The following FAT3 variants were observed in gnomAD, a reference collection of about 807,000 sequenced individuals.
FAT3 encodes protocadherin Fat 3.
FAT3 carries 95 observed loss-of-function variants against 310.2 expected under a neutral mutation model. The observed-to-expected ratio is 0.31, with a 90% CI of 0.26 to 0.36. The LOEUF is 0.36. Ranked by LOEUF, FAT3 falls within the 10% of genes least tolerant of loss-of-function variation. The pLI is 1.00. For missense variants in FAT3, 5,408 were observed against 5,715.6 expected, an observed-to-expected ratio of 0.95 and a Z score of 1.74; for synonymous variants, 2,314 against 2,192.9, an observed-to-expected ratio of 1.06 and a Z score of -1.54.
chr11:92,414,988 C>T (rs950211101), intron 2 of FAT3, among the ~76,000 whole-genome samples: 5 of 135,476 alleles, frequency 3.7e-5, no homozygotes, highest in African/African-American at 1.4e-4. Context: ...CCAGGCTGGG[C>T]AAGAGTGCAA....
chr11:92,480,731 G>A (rs487872), intron 2 of FAT3, among the ~76,000 whole-genome samples: 83,514 of 151,952 alleles, frequency 0.55, 23,542 homozygotes, highest in East Asian at 0.7. Context: ...GTGAACATCA[G>A]TGCTTAGTTA....
chr11:92,303,303 G>A (rs1315312927), intron 1 of FAT3, among the ~76,000 whole-genome samples: 1 of 152,012 alleles, frequency 6.6e-6, no homozygotes, highest in African/African-American at 2.4e-5. Flanking sequence ...AAATTTTGTT[G>A]CATTGCTTCT....
intron 3 of FAT3, among the ~76,000 whole-genome samples, chr11:92,599,342 C>G (rs1034825412): frequency 6.6e-6 from 1 of 152,118 alleles, no homozygotes; most frequent in African/African-American, 2.4e-5. Context: ...GGTGGGGGAA[C>G]CCCTTATAAA....
chr11:92,279,814 G>A (rs1946376331), intron 1 of FAT3, among the ~76,000 whole-genome samples: 1 of 152,052 alleles, frequency 6.6e-6, no homozygotes, highest in African/African-American at 2.4e-5. Flanking sequence ...TGTACCCATT[G>A]ACCAACCTCA....
intron 2 of FAT3, among the ~76,000 whole-genome samples, chr11:92,405,174 G>C (rs1434287983): frequency 1.3e-5 from 2 of 151,954 alleles, no homozygotes; most frequent in Non-Finnish European, 1.5e-5. Context: ...TTTCTCCCAA[G>C]CAGATCTCTC....
At chr11:92,433,107 G>T (rs1950834024) in intron 2 of FAT3, among the ~76,000 whole-genome samples, 1 of 152,100 alleles carries the variant, frequency 6.6e-6, no homozygotes, top group Non-Finnish European at 1.5e-5. Context: ...AGTGTCCCGG[G>T]TGGACTTCAA....
At chr11:92,462,517 T>C (rs911052912) in intron 2 of FAT3, among the ~76,000 whole-genome samples, 6 of 152,288 alleles carry the variant, frequency 3.9e-5, no homozygotes, top group African/African-American at 1.4e-4. Flanking sequence ...GAATCCAGTA[T>C]CCTGCTGTTT....
At chr11:92,271,393 C>G (rs1019712072) in intron 1 of FAT3, among the ~76,000 whole-genome samples, 2 of 152,118 alleles carry the variant, frequency 1.3e-5, no homozygotes, top group Non-Finnish European at 2.9e-5. Flanking sequence ...TACTCACTCC[C>G]CTCCAAGCAG....
chr11:92,692,643 A>G (rs1943828361), intron 3 of FAT3, among the ~76,000 whole-genome samples: 1 of 152,232 alleles, frequency 6.6e-6, no homozygotes, highest in Non-Finnish European at 1.5e-5. Flanking sequence ...AGGGCTTCAC[A>G]TAGAAAGTAA....
At chr11:92,275,823 A>AT (rs141741000) in intron 1 of FAT3, among the ~76,000 whole-genome samples, 3,298 of 152,126 alleles carry the variant, frequency 0.022, 126 homozygotes, top group African/African-American at 0.074. Flanking sequence ...ATAACCTTTT[A>AT]TTTTTCATAA....
At chr11:92,825,212 G>A (rs61901949) in intron 13 of FAT3, among the ~76,000 whole-genome samples, 2,146 of 152,274 alleles carry the variant, frequency 0.014, 19 homozygotes, top group Non-Finnish European at 0.021. Context: ...TAGCAGGAAC[G>A]TATACTTGCT....
At chr11:92,284,241 G>T (rs1211675035) in intron 1 of FAT3, among the ~76,000 whole-genome samples, 1 of 152,060 alleles carries the variant, frequency 6.6e-6, no homozygotes, top group Non-Finnish European at 1.5e-5. Flanking sequence ...AATGGATGCA[G>T]CATGTCAAAG....
intron 1 of FAT3, among the ~76,000 whole-genome samples, chr11:92,251,700 T>G (rs937569198): frequency 6.8e-6 from 1 of 147,408 alleles, no homozygotes; most frequent in Non-Finnish European, 1.5e-5. Flanking sequence ...TTGTATTGAT[T>G]GAATAAATAA....
chr11:92,837,830 C>T (rs774753767), intron 17 of FAT3, 24 bp downstream of exon 17: 20 of 1,613,664 alleles, frequency 1.2e-5, no homozygotes, highest in Non-Finnish European at 1.5e-5. Flanking sequence ...GCCTGCCAAG[C>T]ACTTGTCCCT....
chr11:92,585,044 C>A (rs754832317), intron 3 of FAT3, among the ~76,000 whole-genome samples: 1 of 151,854 alleles, frequency 6.6e-6, no homozygotes, highest in Non-Finnish European at 1.5e-5. Flanking sequence ...AATGTAACAT[C>A]CTGTGGCAAG....
chr11:92,539,993 G>A (rs1368277221), intron 3 of FAT3, among the ~76,000 whole-genome samples: 1 of 152,094 alleles, frequency 6.6e-6, no homozygotes, highest in Non-Finnish European at 1.5e-5. Flanking sequence ...TTGAACAAAG[G>A]GCTTGACATT....
chr11:92,279,675 C>G (rs927561361), intron 1 of FAT3, among the ~76,000 whole-genome samples: 6 of 152,150 alleles, frequency 3.9e-5, no homozygotes, highest in Non-Finnish European at 5.9e-5. Context: ...GAGTCTTTAT[C>G]ATTTCTATGT....
intron 1 of FAT3, among the ~76,000 whole-genome samples, chr11:92,343,176 T>G (rs1948312541): frequency 6.6e-6 from 1 of 152,202 alleles, no homozygotes; most frequent in African/African-American, 2.4e-5. Context: ...CTGACTGACT[T>G]CTTTCCTAAG....
intron 1 of FAT3, among the ~76,000 whole-genome samples, chr11:92,245,082 A>C (rs1000301799): frequency 6.6e-6 from 1 of 152,142 alleles, no homozygotes; most frequent in African/African-American, 2.4e-5. Flanking sequence ...AAAGACCTGG[A>C]ACCAACCCAA....
Sources: allele counts gnomAD v4.1 joint callset (sites outside exome capture counted in the v4.1 genomes callset), GRCh38; gene constraint gnomAD v4.1.1; transcripts MANE v1.5; gene names NCBI Gene and HGNC (gene_info 2026-07-23, HGNC 2026-07-21).